Variants in STAU2 observed in about 807,000 individuals in gnomAD.
STAU2 encodes the protein double-stranded RNA-binding protein Staufen homolog 2.
In STAU2, 20 loss-of-function variants were observed where a neutral mutation model predicts 65.9. The ratio of observed to expected loss-of-function variants is 0.30; its 90% CI spans 0.21 to 0.44. STAU2 has a LOEUF of 0.44. Among genes scored for constraint, STAU2 ranks in the 20% least tolerant of loss-of-function variants. The pLI is 1.00. For synonymous variants in STAU2, 232 were observed against 233.9 expected (o/e 0.99, Z 0.07); for missense variants, 558 against 683.9 (o/e 0.82, Z 2.05).
At chr8:73,605,900 C>T (rs904216301) in intron 9 of STAU2, among the ~76,000 whole-genome samples, 25 of 146,512 alleles carry the variant, frequency 1.7e-4, no homozygotes, top group Admixed American at 6.7e-5. Flanking sequence ...CACACACACA[C>T]ACACACACAC....
At chr8:73,543,761 A>C (rs373199988) in intron 13 of STAU2, among the ~76,000 whole-genome samples, 57 of 152,290 alleles carry the variant, frequency 3.7e-4, no homozygotes, top group African/African-American at 1.3e-3. Context: ...TGAATTCATG[A>C]ATAAATGAAT....
At chr8:73,493,529 A>G (rs1278743576) in intron 13 of STAU2, among the ~76,000 whole-genome samples, 1 of 151,828 alleles carries the variant, frequency 6.6e-6, no homozygotes, top group Non-Finnish European at 1.5e-5. Flanking sequence ...AGGAAAAAGT[A>G]CTCAATGTTA....
Position 73,494,676 on chromosome 8 carries a change from A to G in STAU2, c.1530+57336T>C, listed in dbSNP as rs559174244. Reference sequence around the variant, plus strand: ...GAAGTTTTCCACATTTTTAGACAATATGAAAGTACAGTAGTTTTGCACCAC... The same window carrying G: ...GAAGTTTTCCACATTTTTAGACAATGTGAAAGTACAGTAGTTTTGCACCAC... On this transcript the variant is annotated intron_variant, in intron 13 of 14. Transcript: ENST00000524300. Among the ~76,000 whole-genome samples the G allele has an allele frequency of 3.6e-4, 54 of 151,792 alleles. 1 individual carries two copies. In the South Asian group the frequency reaches 0.011, roughly 30 times the overall value.
chr8:73,637,520 G>GA (rs148462946), intron 6 of STAU2, among the ~76,000 whole-genome samples: 24,068 of 95,966 alleles, frequency 0.25, 2,216 homozygotes, highest in East Asian at 0.41. Context: ...AGAAAAAAAA[G>GA]AAAAACTGTC....
intron 12 of STAU2, among the ~76,000 whole-genome samples, chr8:73,553,055 TG>T (rs1409304335): frequency 6.6e-6 from 1 of 152,208 alleles, no homozygotes; most frequent in Non-Finnish European, 1.5e-5. Flanking sequence ...AGCCAGGCCA[TG>T]GACAGGTTCT....
intron 13 of STAU2, among the ~76,000 whole-genome samples, chr8:73,519,135 A>T (rs1822902180): frequency 1.3e-5 from 2 of 152,142 alleles, no homozygotes; most frequent in South Asian, 4.2e-4. Context: ...ACCCCACAGC[A>T]CTTGGCGCTG....
chr8:73,515,934 T>C (rs1047219959), intron 13 of STAU2, among the ~76,000 whole-genome samples: 3 of 134,866 alleles, frequency 2.2e-5, no homozygotes, highest in Admixed American at 1.5e-4. Flanking sequence ...GCACTGACTC[T>C]TTTTTTTTTT....
chr8:73,582,355 T>TA (rs1177367819), intron 12 of STAU2, among the ~76,000 whole-genome samples: 2 of 151,446 alleles, frequency 1.3e-5, no homozygotes, highest in Non-Finnish European at 2.9e-5. Context: ...TTTGTGTGCA[T>TA]AAAAAATAAT....
intron 13 of STAU2, chr8:73,511,218 G>T (rs1563394227): frequency 6.6e-6 from 1 of 151,576 alleles, no homozygotes; most frequent in Non-Finnish European, 1.5e-5. Flanking sequence ...TAATCCAGAA[G>T]GGTCCATACC....
rs532207370 is a variant in STAU2 at position 73,667,567 on chromosome 8, A to C, written c.410+5540T>G. On this transcript the variant is annotated intron_variant, in intron 6 of 14. Transcript: ENST00000524300. ...GAAGATTCAGTTCATCCCTCCTGGA[A>C]GGCTTCTTTGGTGCCCCAATCTGGA... Among the ~76,000 whole-genome samples, 223 of 152,294 alleles carry C rather than the reference A, an allele frequency of 1.5e-3. 1 individual carries two copies. Among genetic ancestry groups the C allele is most frequent in the Non-Finnish European group, 2.7e-3 (186 of 68,016 alleles).
intron 13 of STAU2, among the ~76,000 whole-genome samples, chr8:73,539,473 A>G (rs1386579540): frequency 1.3e-5 from 2 of 152,208 alleles, no homozygotes; most frequent in African/African-American, 4.8e-5. Context: ...GAAATGAAAA[A>G]TATAATTACG....
rs1816316686 is a variant in STAU2 at position 73,420,501 on chromosome 8, T to C, written c.*871A>G. On this transcript the variant is annotated 3_prime_UTR_variant, in exon 15 of 15. Transcript: ENST00000524300. ...TCCCCGTCATGTACATTATTTATTTTTGATCCTACTCACTGTCCCAAGTCC... is the reference window on the plus strand; with the variant it reads ...TCCCCGTCATGTACATTATTTATTTCTGATCCTACTCACTGTCCCAAGTCC... The C allele has an allele frequency of 4.0e-6, 1 of 251,320 alleles. No homozygotes were observed. The highest frequency in any genetic ancestry group is 4.5e-5 in the Admixed American group (1 of 22,060). 15.6% of individuals were successfully genotyped at this position (251,320 alleles called of 1,614,324 possible).
At chr8:73,545,357 T>C (rs1806831544) in intron 13 of STAU2, among the ~76,000 whole-genome samples, 1 of 152,072 alleles carries the variant, frequency 6.6e-6, no homozygotes, top group Non-Finnish European at 1.5e-5. Context: ...TTTCTTATGC[T>C]TTTAAAAAAA....
intron 13 of STAU2, among the ~76,000 whole-genome samples, chr8:73,497,822 C>T (rs539750153): frequency 1.3e-5 from 2 of 151,742 alleles, no homozygotes; most frequent in African/African-American, 2.4e-5. Flanking sequence ...ATAACACACT[C>T]GAGTGTTTCT....
At chr8:73,629,951 G>A (rs1211839770) in intron 6 of STAU2, among the ~76,000 whole-genome samples, 1 of 152,012 alleles carries the variant, frequency 6.6e-6, no homozygotes, top group African/African-American at 2.4e-5. Context: ...TTATAGAGAT[G>A]CTTTTCAAAG....
At position 73,547,705 on chromosome 8, in the gene STAU2, C is replaced by T. The variant is rs532793364; in HGVS notation, c.1530+4307G>A. Among the ~76,000 whole-genome samples the T allele has an allele frequency of 8.5e-5, 13 of 152,112 alleles. No individual in the cohort carries two copies. In the South Asian group the frequency reaches 2.5e-3, roughly 29 times the overall value. On this transcript the variant is annotated intron_variant, in intron 13 of 14. Transcript: ENST00000524300. ...CAGAGCAGTATCTGCTGACCAAACC[C>T]ACAAATGTGTTTTGCTCATTGTAGT... is the stretch of plus-strand genomic sequence containing the variant.
chr8:73,549,706 AAAG>A (rs1449884176), intron 13 of STAU2: 1 of 985,576 alleles, frequency 1.0e-6, no homozygotes, highest in African/African-American at 1.7e-5. Context: ...AAGGAAAGCC[AAAG>A]AAGGGTTTAC....
intron 13 of STAU2, among the ~76,000 whole-genome samples, chr8:73,448,671 G>A (rs973802147): frequency 6.6e-6 from 1 of 152,248 alleles, no homozygotes; most frequent in African/African-American, 2.4e-5. Context: ...GTGAGGTCAT[G>A]GGACTCATCC....
chr8:73,703,491 T>A (rs1820271593), intron 4 of STAU2, among the ~76,000 whole-genome samples: 1 of 152,208 alleles, frequency 6.6e-6, no homozygotes, highest in Non-Finnish European at 1.5e-5. Flanking sequence ...AATGTCTATA[T>A]GAAGACTTGT....
Sources: allele counts gnomAD v4.1 joint callset (sites outside exome capture counted in the v4.1 genomes callset), GRCh38; gene constraint gnomAD v4.1.1; transcripts MANE v1.5; gene names NCBI Gene and HGNC (gene_info 2026-07-23, HGNC 2026-07-21).